FHIT: variants seen among roughly 807,000 people sequenced by gnomAD.
The protein encoded by FHIT is bis(5'-adenosyl)-triphosphatase.
A neutral mutation model predicts 17.9 loss-of-function variants in FHIT; 19 were observed. That is an observed-to-expected ratio of 1.06 (90% CI 0.74 to 1.56). FHIT has a LOEUF of 1.56. FHIT is among the 40% of genes most tolerant of loss of function. FHIT has a pLI of 0.00. For synonymous variants in FHIT, 81 were observed against 69.7 expected (o/e 1.16, Z -0.81); for missense variants, 248 against 189.2 (o/e 1.31, Z -1.82).
At chr3:59,777,208 A>G (rs1406651103) in intron 8 of FHIT, among the ~76,000 whole-genome samples, 1 of 152,044 alleles carries the variant, frequency 6.6e-6, no homozygotes, top group Non-Finnish European at 1.5e-5. Flanking sequence ...TGCTCTTCCC[A>G]ACCAGGTGGT....
intron 4 of FHIT, among the ~76,000 whole-genome samples, chr3:60,773,575 T>G (rs1700117564): frequency 6.6e-6 from 1 of 152,244 alleles, no homozygotes; most frequent in African/African-American, 2.4e-5. Flanking sequence ...ACCATTCCAG[T>G]ATCTTGCAAA....
chr3:60,542,325 T>A (rs2107608915), intron 4 of FHIT, among the ~76,000 whole-genome samples: 1 of 152,296 alleles, frequency 6.6e-6, no homozygotes, highest in Admixed American at 6.5e-5. Context: ...TGGATTCCTA[T>A]CTTAGCATCC....
At chr3:60,449,291 G>C (rs964482909) in intron 5 of FHIT, among the ~76,000 whole-genome samples, 13 of 152,122 alleles carry the variant, frequency 8.5e-5, no homozygotes. Flanking sequence ...GTGCCGAAAA[G>C]CTATGCAACT....
chr3:60,981,079 T>C (rs1450525186), intron 3 of FHIT, among the ~76,000 whole-genome samples: 2 of 152,136 alleles, frequency 1.3e-5, no homozygotes, highest in East Asian at 3.9e-4. Flanking sequence ...CAGGGGGTCA[T>C]AGCCAAGGGC....
chr3:59,968,806 A>T (rs1708047806), intron 7 of FHIT, among the ~76,000 whole-genome samples: 1 of 152,206 alleles, frequency 6.6e-6, no homozygotes, highest in African/African-American at 2.4e-5. Flanking sequence ...CTTGCTGTCA[A>T]ATGCTTTTGA....
chr3:60,663,883 C>A, intron 4 of FHIT, among the ~76,000 whole-genome samples: 1 of 152,126 alleles, frequency 6.6e-6, no homozygotes, highest in Admixed American at 6.5e-5. Context: ...CTCACTTGTT[C>A]TAGGATTTTT....
Position 61,052,780 on chromosome 3 carries a change from T to C in FHIT, c.-163-10681A>G, listed in dbSNP as rs992887537. 2.6e-5 allele frequency among the ~76,000 whole-genome samples: 4 copies of C among 152,164 alleles called. No homozygotes were observed. The East Asian group carries it at 7.7e-4, about 29-fold the overall frequency. On this transcript the variant is annotated intron_variant, in intron 2 of 9. Coordinates refer to ENST00000492590, the MANE Select transcript of FHIT (RefSeq NM_002012.4). ...TAGATCCATGCTTAGAATGAACACA[T>C]TTATAATAAGGTTCCAAGATCCCTC...
At chr3:60,949,820 A>C (rs1384146514) in intron 3 of FHIT, among the ~76,000 whole-genome samples, 1 of 152,222 alleles carries the variant, frequency 6.6e-6, no homozygotes, top group Non-Finnish European at 1.5e-5. Flanking sequence ...AGTTTGGAAA[A>C]AAAGCTATCT....
intron 2 of FHIT, among the ~76,000 whole-genome samples, chr3:61,043,242 A>G (rs1304554474): frequency 6.6e-6 from 1 of 152,182 alleles, no homozygotes; most frequent in East Asian, 1.9e-4. Context: ...GAAAATCATA[A>G]CAACCCCACC....
intron 4 of FHIT, among the ~76,000 whole-genome samples, chr3:60,551,868 C>T (rs1193482904): frequency 1.3e-5 from 2 of 151,756 alleles, no homozygotes; most frequent in African/African-American, 4.8e-5. Context: ...AAAATTCACC[C>T]TTCTAGTGTA....
intron 5 of FHIT, among the ~76,000 whole-genome samples, chr3:60,380,447 T>C (rs1700751574): frequency 6.6e-6 from 1 of 152,184 alleles, no homozygotes; most frequent in South Asian, 2.1e-4. Context: ...TCATTATAAA[T>C]TACCTAGTTT....
intron 5 of FHIT, among the ~76,000 whole-genome samples, chr3:60,142,186 C>A (rs968639280): frequency 1.3e-5 from 2 of 152,174 alleles, no homozygotes; most frequent in African/African-American, 4.8e-5. Flanking sequence ...CAGCTCAAAT[C>A]ATGACTCTGA....
chr3:60,357,259 A>G (rs1227398422), intron 5 of FHIT, among the ~76,000 whole-genome samples: 1 of 152,036 alleles, frequency 6.6e-6, no homozygotes, highest in Admixed American at 6.6e-5. Context: ...GCAGGCTGGT[A>G]TGCAGTGGCA....
At chr3:61,204,010 TA>T (rs1322616375) in intron 1 of FHIT, among the ~76,000 whole-genome samples, 1 of 152,236 alleles carries the variant, frequency 6.6e-6, no homozygotes, top group Non-Finnish European at 1.5e-5. Flanking sequence ...GAGTATTATA[TA>T]ACTTTGGAAA....
At chr3:60,964,732 C>A (rs1210240714) in intron 3 of FHIT, among the ~76,000 whole-genome samples, 1 of 152,138 alleles carries the variant, frequency 6.6e-6, no homozygotes, top group Non-Finnish European at 1.5e-5. Flanking sequence ...GTTGAAAATT[C>A]TTGTCTTTAA....
intron 5 of FHIT, among the ~76,000 whole-genome samples, chr3:60,235,482 AG>A (rs1312714021): frequency 6.6e-6 from 1 of 152,088 alleles, no homozygotes; most frequent in African/African-American, 2.4e-5. Flanking sequence ...TGCTGGCCTC[AG>A]CCCCCAAAGT....
intron 3 of FHIT, among the ~76,000 whole-genome samples, chr3:60,879,506 A>T (rs532956553): frequency 2.0e-5 from 3 of 152,332 alleles, no homozygotes; most frequent in Admixed American, 6.5e-5. Context: ...CACAAGAAAT[A>T]TGAAAAAGCA....
At chr3:60,412,191 A>C (rs1702085737) in intron 5 of FHIT, among the ~76,000 whole-genome samples, 1 of 152,160 alleles carries the variant, frequency 6.6e-6, no homozygotes, top group South Asian at 2.1e-4. Context: ...CGTGGGCAAC[A>C]TAGTGAGACT....
intron 8 of FHIT, among the ~76,000 whole-genome samples, chr3:59,876,808 A>G (rs1703183412): frequency 6.6e-6 from 1 of 152,206 alleles, no homozygotes; most frequent in African/African-American, 2.4e-5. Flanking sequence ...TTTGAGAGGA[A>G]GCTACCCTTT....
Sources: allele counts gnomAD v4.1 joint callset (sites outside exome capture counted in the v4.1 genomes callset), GRCh38; gene constraint gnomAD v4.1.1; transcripts MANE v1.5; gene names NCBI Gene and HGNC (gene_info 2026-07-23, HGNC 2026-07-21).